Variants in MELK observed in about 807,000 individuals in gnomAD.
MELK encodes maternal embryonic leucine zipper kinase, also known as pEg3 kinase.
A neutral mutation model predicts 85.0 loss-of-function variants in MELK; 81 were observed. That is an observed-to-expected ratio of 0.95 (90% CI 0.80 to 1.15). The LOEUF is 1.15. Ranked by LOEUF, MELK falls within the 50% of genes most tolerant of loss-of-function variation. The pLI, the probability that MELK is intolerant of heterozygous loss-of-function variation, is 0.00. For missense variants in MELK, 754 were observed against 777.5 expected (o/e 0.97, Z 0.36); for synonymous variants, 252 against 265.0 (o/e 0.95, Z 0.48).
chr9:36,644,209 T>TTGTGTGTGTGTGTG (rs55796800), intron 11 of MELK, among the ~76,000 whole-genome samples: 80 of 145,410 alleles, frequency 5.5e-4, no homozygotes, highest in African/African-American at 1.9e-3. Flanking sequence ...TACCTGTGTT[T>TTGTGTGTGTGTGTG]TGTGTGTGTG....
At chr9:36,657,108 T>C (rs1831325787) in intron 12 of MELK, 133 bp from the exon 13 acceptor site, 2 of 1,030,944 alleles carry the variant, frequency 1.9e-6, no homozygotes, top group Non-Finnish European at 1.4e-6. Context: ...CATTTTATGA[T>C]GTTCACACAG....
intron 3 of MELK, among the ~76,000 whole-genome samples, chr9:36,586,576 T>C (rs557742247): frequency 2.6e-5 from 4 of 152,330 alleles, no homozygotes; most frequent in African/African-American, 9.6e-5. Flanking sequence ...ACCATTTTTC[T>C]TGAGCATTTA....
At chr9:36,650,673 C>T (rs1017880691) in intron 11 of MELK, among the ~76,000 whole-genome samples, 23 of 152,220 alleles carry the variant, frequency 1.5e-4, no homozygotes, top group South Asian at 4.1e-4. Context: ...CAGGAAGTCA[C>T]TGGAGGATGT....
rs60212848 is a variant in MELK at position 36,616,387 on chromosome 9, C to CTTTTTTTTTTTTTTTTTTTT, written c.666+8715_666+8734dup. Reference sequence around the variant, plus strand: ...TTAAAGGTATCTAGCATGTCAAACTCTTTTTTTTTTTTTTTTTTTTAAGGC... The same window carrying CTTTTTTTTTTTTTTTTTTTT: ...TTAAAGGTATCTAGCATGTCAAACTCTTTTTTTTTTTTTTTTTTTTTTTTTTTTTTTTTTTTTTTTAAGGC... On this transcript the variant is annotated intron_variant, in intron 8 of 17. Coordinates refer to ENST00000298048, the MANE Select transcript of MELK (RefSeq NM_014791.4). Among the ~76,000 whole-genome samples, 21 of 114,636 alleles carry CTTTTTTTTTTTTTTTTTTTT rather than the reference C, an allele frequency of 1.8e-4. 2 individuals carry two copies. The highest frequency in any genetic ancestry group is 3.1e-4 in the Non-Finnish European group (17 of 54,752). 75.2% of individuals were successfully genotyped at this position (114,636 alleles called of 152,430 possible).
intron 10 of MELK, among the ~76,000 whole-genome samples, chr9:36,635,408 C>T (rs973637425): frequency 2.6e-5 from 4 of 152,024 alleles, no homozygotes; most frequent in African/African-American, 7.2e-5. Context: ...GGATTACAGC[C>T]GCCTGCTACA....
chr9:36,607,935 C>T lies in MELK; in HGVS notation c.666+262C>T, dbSNP rs187064498. 2.0e-5 allele frequency among the ~76,000 whole-genome samples: 3 copies of T among 152,146 alleles called. No individual in the cohort carries two copies. In the East Asian group the frequency reaches 5.8e-4, roughly 29 times the overall value. Reference sequence around the variant, plus strand: ...GGTCTTAGTTGCCCATGGTCAACTGCGGTCTGAAAATTGGTGAGTTTGTGT... The same window carrying T: ...GGTCTTAGTTGCCCATGGTCAACTGTGGTCTGAAAATTGGTGAGTTTGTGT... On this transcript the variant is annotated intron_variant, in intron 8 of 17. Coordinates refer to ENST00000298048, the MANE Select transcript of MELK (RefSeq NM_014791.4).
chr9:36,610,358 T>C (rs530749817), intron 8 of MELK, among the ~76,000 whole-genome samples: 4 of 152,350 alleles, frequency 2.6e-5, no homozygotes, highest in Admixed American at 1.3e-4. Context: ...TAAAGTTGAT[T>C]CCCAAGCTTC....
chr9:36,677,490 AAG>A lies in MELK; in HGVS notation c.*155_*156del. The A allele has an allele frequency of 1.6e-6, 1 of 610,892 alleles. No homozygotes were observed. The highest frequency in any genetic ancestry group is 2.6e-6 in the Non-Finnish European group (1 of 388,018). 37.8% of individuals were successfully genotyped at this position (610,892 alleles called of 1,614,324 possible). On this transcript the variant is annotated 3_prime_UTR_variant, in exon 18 of 18. Transcript: ENST00000298048. ...CCAATATCTCTTTGTTTTTAAACAA[AAG>A]ATATTATTTTGTGTATGAATCTAAA...
intron 8 of MELK, among the ~76,000 whole-genome samples, chr9:36,618,566 G>A (rs1036312113): frequency 6.6e-6 from 1 of 152,004 alleles, no homozygotes; most frequent in South Asian, 2.1e-4. Context: ...AATCTAATTA[G>A]GTATTTTTTT....
At chr9:36,591,790 G>T (rs752859061) in intron 4 of MELK, among the ~76,000 whole-genome samples, 3 of 151,924 alleles carry the variant, frequency 2.0e-5, no homozygotes, top group Non-Finnish European at 4.4e-5. Context: ...AGAAAAAAAG[G>T]CTGGGTATGG....
intron 8 of MELK, among the ~76,000 whole-genome samples, chr9:36,623,730 T>C (rs1172506136): frequency 6.6e-6 from 1 of 152,266 alleles, no homozygotes; most frequent in African/African-American, 2.4e-5. Flanking sequence ...TTAGCACTTT[T>C]GGATACAAGG....
intron 6 of MELK, among the ~76,000 whole-genome samples, chr9:36,597,781 CTG>C (rs2135536438): frequency 6.6e-6 from 1 of 152,306 alleles, no homozygotes; most frequent in South Asian, 2.1e-4. Flanking sequence ...AAATTTATAA[CTG>C]TTATATATTT....
At chr9:36,602,414 T>A (rs1003913187) in intron 7 of MELK, among the ~76,000 whole-genome samples, 7 of 131,640 alleles carry the variant, frequency 5.3e-5, no homozygotes, top group Middle Eastern at 5.3e-3. Flanking sequence ...CGCTTGAACC[T>A]GGGAGGCAGA....
At chr9:36,601,140 G>A (rs879768326) in intron 7 of MELK, among the ~76,000 whole-genome samples, 5 of 151,602 alleles carry the variant, frequency 3.3e-5, no homozygotes, top group Non-Finnish European at 5.9e-5. Context: ...CCACACTTTA[G>A]TATCAAAATT....
At position 36,589,663 on chromosome 9, in the gene MELK, T is replaced by G. The variant is rs779240809; in HGVS notation, c.261+11T>G. The G allele has an allele frequency of 2.6e-6, 4 of 1,546,480 alleles. No individual in the cohort carries two copies. Among genetic ancestry groups the G allele is most frequent in the Non-Finnish European group, 2.7e-6 (3 of 1,119,458 alleles). Reference sequence around the variant, plus strand: ...TTCATGGTTCTTGAGGTTAGTAGTATGTTCCAGATACCTGAAAACATTTGA... The same window carrying G: ...TTCATGGTTCTTGAGGTTAGTAGTAGGTTCCAGATACCTGAAAACATTTGA... On this transcript the variant is annotated intron_variant, in intron 4 of 17. Transcript: ENST00000298048.
At position 36,674,891 on chromosome 9, in the gene MELK, A is replaced by G. The variant is rs748183359; in HGVS notation, c.1732A>G (p.Ile578Val). 4.4e-5 allele frequency: 71 copies of G among 1,599,730 alleles called. No homozygotes were observed. In the East Asian group the frequency reaches 1.2e-3, roughly 26 times the overall value. ...GAATCCAGATCAACTGTTGAATGAAATAATGTCTATTCTTCCAAAGAAGCA... is the reference window on the plus strand; with the variant it reads ...GAATCCAGATCAACTGTTGAATGAAGTAATGTCTATTCTTCCAAAGAAGCA... ...LVNPDQLLNEIMSILPKKHVD... is the reference protein window; with the variant it reads ...LVNPDQLLNEVMSILPKKHVD... The change falls in exon 17 of 18, where the codon ATA (isoleucine) becomes GTA (valine). Residue 578 changes from isoleucine to valine, a missense_variant. Coordinates refer to ENST00000298048, the MANE Select transcript of MELK (RefSeq NM_014791.4).
At chr9:36,673,589 T>A (rs1833084225) in intron 16 of MELK, among the ~76,000 whole-genome samples, 1 of 152,094 alleles carries the variant, frequency 6.6e-6, no homozygotes, top group Admixed American at 6.5e-5. Flanking sequence ...ACTTGGCTAA[T>A]TCTTAATTTT....
At chr9:36,673,017 G>T (rs1833021627) in intron 16 of MELK, among the ~76,000 whole-genome samples, 1 of 152,154 alleles carries the variant, frequency 6.6e-6, no homozygotes, top group African/African-American at 2.4e-5. Flanking sequence ...CTTACCGGAA[G>T]AGTTGCAAGG....
intron 12 of MELK, among the ~76,000 whole-genome samples, chr9:36,653,145 A>AT (rs1462286531): frequency 2.6e-5 from 4 of 151,988 alleles, no homozygotes; most frequent in African/African-American, 7.3e-5. Context: ...ACTTTAAAAA[A>AT]TTTTTTTGTT....
Sources: gnomAD v4.1 joint callset for allele counts (sites outside exome capture counted in the v4.1 genomes callset) on GRCh38, gnomAD v4.1.1 for gene constraint, MANE v1.5 for transcripts, NCBI Gene and HGNC (gene_info 2026-07-23, HGNC 2026-07-21) for gene names.